NKAIN2: variants seen among roughly 807,000 people sequenced by gnomAD.
NKAIN2 encodes the protein sodium/potassium-transporting ATPase subunit beta-1-interacting protein 2.
A neutral mutation model predicts 32.6 loss-of-function variants in NKAIN2; 14 were observed. That is an observed-to-expected ratio of 0.43 (90% confidence interval 0.28 to 0.67). NKAIN2 has a LOEUF of 0.67. NKAIN2 is among the 30% of genes least tolerant of loss of function. The pLI, the probability that NKAIN2 is intolerant of heterozygous loss-of-function variation, is 0.17. For synonymous variants in NKAIN2, 80 were observed against 87.2 expected (o/e 0.92, Z 0.46); for missense variants, 198 against 258.3 (o/e 0.77, Z 1.60).
intron 1 of NKAIN2, among the ~76,000 whole-genome samples, chr6:124,132,329 C>T (rs1786520996): frequency 1.3e-5 from 2 of 152,164 alleles, no homozygotes; most frequent in Admixed American, 1.3e-4. Context: ...CTCTACCTGC[C>T]CCAGTAGCTG....
At chr6:124,373,038 C>A (rs1799833962) in intron 3 of NKAIN2, among the ~76,000 whole-genome samples, 1 of 152,056 alleles carries the variant, frequency 6.6e-6, no homozygotes, top group Non-Finnish European at 1.5e-5. Context: ...CTGGCAGGAG[C>A]AAGAGTTGCA....
chr6:124,819,760 T>A (rs1050473622), intron 6 of NKAIN2, among the ~76,000 whole-genome samples: 1 of 152,162 alleles, frequency 6.6e-6, no homozygotes, highest in Non-Finnish European at 1.5e-5. Flanking sequence ...CTCTTAATAA[T>A]GTTTGAGTCC....
At chr6:124,335,862 C>A (rs1410290411) in intron 2 of NKAIN2, among the ~76,000 whole-genome samples, 1 of 152,084 alleles carries the variant, frequency 6.6e-6, no homozygotes, top group Non-Finnish European at 1.5e-5. Flanking sequence ...TTGGAACACA[C>A]TTTATCTATT....
intron 3 of NKAIN2, among the ~76,000 whole-genome samples, chr6:124,523,075 G>A (rs1404844678): frequency 6.7e-5 from 6 of 89,908 alleles, no homozygotes; most frequent in African/African-American, 1.9e-4. Context: ...CCCGGGAGGC[G>A]GAGCTTGCAG....
intron 3 of NKAIN2, among the ~76,000 whole-genome samples, chr6:124,455,851 T>A (rs1776300503): frequency 6.6e-6 from 1 of 151,944 alleles, no homozygotes. Context: ...AGGTGTCCCT[T>A]CAGCCTGATT....
chr6:124,083,624 A>G (rs1200032632), intron 1 of NKAIN2, among the ~76,000 whole-genome samples: 1 of 151,948 alleles, frequency 6.6e-6, no homozygotes, highest in Non-Finnish European at 1.5e-5. Flanking sequence ...CAACCTATTA[A>G]TGTTTTCAAA....
chr6:124,160,965 T>C (rs150652314), intron 1 of NKAIN2, among the ~76,000 whole-genome samples: 315 of 152,294 alleles, frequency 2.1e-3, no homozygotes, highest in African/African-American at 7.0e-3. Context: ...AAAATTTCTA[T>C]ATATATAGAT....
chr6:124,785,461 T>C (rs1333377246), intron 4 of NKAIN2, among the ~76,000 whole-genome samples: 2 of 152,148 alleles, frequency 1.3e-5, no homozygotes, highest in Non-Finnish European at 2.9e-5. Context: ...TTAGTAATTT[T>C]TAATTGAAAC....
chr6:123,885,795 A>C (rs1049550521), intron 1 of NKAIN2, among the ~76,000 whole-genome samples: 1 of 152,058 alleles, frequency 6.6e-6, no homozygotes, highest in Admixed American at 6.6e-5. Context: ...ACTTAGTATG[A>C]ATTTTCCATT....
At chr6:124,064,043 C>T (rs376219303) in intron 1 of NKAIN2, among the ~76,000 whole-genome samples, 9 of 151,874 alleles carry the variant, frequency 5.9e-5, no homozygotes, top group East Asian at 3.9e-4. Flanking sequence ...CTCTGCCTCC[C>T]GGGTTCACAC....
chr6:124,226,946 AAGAAAT>A (rs1376353476), intron 1 of NKAIN2, among the ~76,000 whole-genome samples: 1 of 152,114 alleles, frequency 6.6e-6, no homozygotes, highest in Non-Finnish European at 1.5e-5. Context: ...ATAATCCTGT[AAGAAAT>A]AGAAATAGAG....
intron 1 of NKAIN2, among the ~76,000 whole-genome samples, chr6:123,906,558 G>T (rs776775712): frequency 5.3e-5 from 8 of 152,154 alleles, no homozygotes; most frequent in Non-Finnish European, 8.8e-5. Flanking sequence ...CTCCCAAGGT[G>T]CTGGGATTAC....
At chr6:124,807,958 C>A (rs889572990) in intron 5 of NKAIN2, among the ~76,000 whole-genome samples, 1 of 147,876 alleles carries the variant, frequency 6.8e-6, no homozygotes, top group Non-Finnish European at 1.5e-5. Flanking sequence ...TCCGAATAGA[C>A]CAATAACAGG....
intron 1 of NKAIN2, among the ~76,000 whole-genome samples, chr6:123,903,832 T>G (rs1044057524): frequency 2.0e-5 from 3 of 152,192 alleles, no homozygotes; most frequent in African/African-American, 7.2e-5. Context: ...ATCGATAGGA[T>G]GAAAACCCTT....
At chr6:124,274,371 G>T (rs949624688) in intron 1 of NKAIN2, among the ~76,000 whole-genome samples, 3 of 152,150 alleles carry the variant, frequency 2.0e-5, no homozygotes, top group Non-Finnish European at 4.4e-5. Context: ...ATAGTTATTA[G>T]TGTGTCTTTT....
chr6:124,756,318 C>T (rs533413564), intron 4 of NKAIN2, among the ~76,000 whole-genome samples: 4 of 152,160 alleles, frequency 2.6e-5, no homozygotes, highest in African/African-American at 9.6e-5. Context: ...CTTCTGCTTT[C>T]GACACTGGCC....
intron 1 of NKAIN2, among the ~76,000 whole-genome samples, chr6:124,193,901 A>G (rs1313438543): frequency 6.6e-6 from 1 of 152,066 alleles, no homozygotes; most frequent in Non-Finnish European, 1.5e-5. Flanking sequence ...TTCAGCTCCT[A>G]GCAGAGAGGA....
chr6:123,926,845 C>T (rs1032085843), intron 1 of NKAIN2, among the ~76,000 whole-genome samples: 1 of 152,176 alleles, frequency 6.6e-6, no homozygotes, highest in South Asian at 2.1e-4. Context: ...TCCTTCATAA[C>T]CTGACCCAAA....
At chr6:124,758,441 A>G (rs1256001130) in intron 4 of NKAIN2, among the ~76,000 whole-genome samples, 1 of 152,164 alleles carries the variant, frequency 6.6e-6, no homozygotes, top group Non-Finnish European at 1.5e-5. Context: ...CCAGACGCAG[A>G]ATCTGCCGGC....
Sources: allele counts gnomAD v4.1 joint callset (sites outside exome capture counted in the v4.1 genomes callset), GRCh38; gene constraint gnomAD v4.1.1; transcripts MANE v1.5; gene names NCBI Gene and HGNC (gene_info 2026-07-23, HGNC 2026-07-21).